The following NRF1 variants were observed in gnomAD, a reference collection of about 807,000 sequenced individuals.
The protein encoded by NRF1 is nuclear respiratory factor 1.
In NRF1, 5 loss-of-function variants were observed where a neutral mutation model predicts 58.5. The observed-to-expected ratio is 0.09, with a 90% CI of 0.04 to 0.18. The LOEUF (loss-of-function observed/expected upper bound fraction) is 0.18. Among genes scored for constraint, NRF1 ranks in the 10% least tolerant of loss-of-function variants. The pLI, the probability that NRF1 is intolerant of heterozygous loss-of-function variation, is 1.00. For missense variants in NRF1, 288 were observed against 657.7 expected, an observed-to-expected ratio of 0.44 and a Z score of 6.15; for synonymous variants, 224 against 246.7, an observed-to-expected ratio of 0.91 and a Z score of 0.86.
At chr7:129,717,788 A>G (rs771952722) in intron 9 of NRF1, among the ~76,000 whole-genome samples, 1 of 152,140 alleles carries the variant, frequency 6.6e-6, no homozygotes, top group Non-Finnish European at 1.5e-5. Flanking sequence ...CGTTTATCCT[A>G]TTCTGTGTCC....
chr7:129,744,270 T>C (rs1233320910), intron 10 of NRF1: 3 of 1,523,744 alleles, frequency 2.0e-6, no homozygotes, highest in Non-Finnish European at 1.8e-6. Context: ...AGCTGGAGGA[T>C]AGAGTCACTG....
rs753641389 is a variant in NRF1, at chr7:129,657,459, T to A, written c.108T>A (p.Ser36Arg). Reference protein sequence around the residue: ...QVHVATYTEHSMLSADEDSPS... With the variant: ...QVHVATYTEHRMLSADEDSPS... ...ATGTGGCTACTTACACCGAGCATAGTATGCTGAGTGCTGATGAAGACTCGC... is the reference window on the plus strand; with the variant it reads ...ATGTGGCTACTTACACCGAGCATAGAATGCTGAGTGCTGATGAAGACTCGC... Residue 36 changes from serine (S) to arginine (R), a missense_variant, in exon 2 of 11, where the codon AGT (serine) becomes AGA (arginine). By Grantham distance (110) the Ser-to-Arg change is moderately radical (BLOSUM62 -1). Transcript: ENST00000393232. 6.2e-7 allele frequency: 1 copy of A among 1,614,096 alleles called. No homozygotes were observed. The highest frequency in any genetic ancestry group is 1.1e-5 in the South Asian group (1 of 91,074).
chr7:129,657,080 G>A (rs1381047139), intron 1 of NRF1, among the ~76,000 whole-genome samples: 1 of 152,122 alleles, frequency 6.6e-6, no homozygotes, highest in African/African-American at 2.4e-5. Context: ...TTATTATTAA[G>A]GGTATCTGTT....
chr7:129,755,165 T>C lies in NRF1; in HGVS notation c.1496T>C (p.Val499Ala). 1 of 1,611,238 alleles carries C rather than the reference T, an allele frequency of 6.2e-7. No homozygotes were observed. Among genetic ancestry groups the C allele is most frequent in the Non-Finnish European group, 8.5e-7 (1 of 1,178,964 alleles). Residue 499 changes from valine to alanine, a missense_variant, in exon 11 of 11, where the codon GTG becomes GCG. Around this residue, in one of 3 missense-constraint regions of NRF1, gnomAD observed 28 missense variants for 32.6 expected, o/e 0.86. Transcript: ENST00000393232. The surrounding 1 kb of genome is among the most constrained non-coding windows in gnomAD (Gnocchi z 5.8). The stretch of plus-strand genomic sequence containing the variant: ...ATGGACGGCCAAGCTGTGGAGGTGG[T>C]GACATTGGAACAGTGACATACAGCC... ...VTMDGQAVEV[V>A]TLEQ
chr7:129,632,756 C>CA (rs1206467673), intron 1 of NRF1, among the ~76,000 whole-genome samples: 20 of 152,158 alleles, frequency 1.3e-4, no homozygotes, highest in Middle Eastern at 6.8e-3. Flanking sequence ...ATAGTTTACT[C>CA]ACTTTAAATG....
At chr7:129,754,464 T>TAAAAAAAAAAAAAAAAAAAAAAAAA (rs57595268) in intron 10 of NRF1, among the ~76,000 whole-genome samples, 6 of 51,206 alleles carry the variant, frequency 1.2e-4, no homozygotes, top group East Asian at 6.9e-4. Context: ...CCCTGTCTCT[T>TAAAAAAAAAAAAAAAAAAAAAAAAA]AAAAAAAAAA....
intron 1 of NRF1, among the ~76,000 whole-genome samples, chr7:129,630,862 G>A (rs76025913): frequency 0.026 from 4,001 of 152,204 alleles, 62 homozygotes; most frequent in Middle Eastern, 0.075. Context: ...AGATTGATCA[G>A]TTCAAATACC....
At chr7:129,696,412 C>A (rs1562973899) in intron 5 of NRF1, among the ~76,000 whole-genome samples, 1 of 152,076 alleles carries the variant, frequency 6.6e-6, no homozygotes, top group East Asian at 1.9e-4. Context: ...TTACTAAGTT[C>A]TTTACAGGGG....
intron 1 of NRF1, among the ~76,000 whole-genome samples, chr7:129,619,182 G>A (rs1377608488): frequency 6.6e-6 from 1 of 151,460 alleles, no homozygotes. Flanking sequence ...AAACAGATAA[G>A]GTTATAGGGT....
intron 4 of NRF1, among the ~76,000 whole-genome samples, chr7:129,679,536 A>G (rs1026895580): frequency 6.6e-5 from 10 of 152,200 alleles, no homozygotes; most frequent in Admixed American, 6.5e-4. Context: ...CCTGGCCAAT[A>G]TGGTGAAACC....
At chr7:129,712,312 T>A (rs1416107271) in intron 8 of NRF1, among the ~76,000 whole-genome samples, 1 of 152,206 alleles carries the variant, frequency 6.6e-6, no homozygotes, top group African/African-American at 2.4e-5. Context: ...TACGTCACCA[T>A]GAGTGTTTCC....
In NRF1 at chr7:129,756,546, A is replaced by G. The variant is rs778869257; in HGVS notation, c.*1365A>G. The stretch of plus-strand genomic sequence containing the variant: ...GGTAACCGTTAACTCTGTCTTTCTC[A>G]GCTGCAAGCCCTGAGTCTCCAGTAG... On this transcript the variant is annotated 3_prime_UTR_variant, in exon 11 of 11. Transcript: ENST00000393232. 1 of 152,646 alleles carries G rather than the reference A, an allele frequency of 6.6e-6. No individual in the cohort carries two copies. Among genetic ancestry groups the G allele is most frequent in the Admixed American group, 6.5e-5 (1 of 15,280 alleles). The allele number at this position is 152,646 out of a possible 1,614,324, so 9.5% of individuals were successfully genotyped here.
At chr7:129,746,588 C>T (rs1301002384) in intron 10 of NRF1, among the ~76,000 whole-genome samples, 3 of 152,262 alleles carry the variant, frequency 2.0e-5, no homozygotes, top group Non-Finnish European at 4.4e-5. Flanking sequence ...TGCCTGTCAC[C>T]CCTAGAAACA....
At position 129,614,305 on chromosome 7, in the gene NRF1, G is replaced by A. The variant is rs567318297; in HGVS notation, c.-7+2481G>A. 4.6e-5 allele frequency among the ~76,000 whole-genome samples: 7 copies of A among 152,036 alleles called. 1 individual carries two copies. In the South Asian group the frequency reaches 1.5e-3, roughly 32 times the overall value. On this transcript the variant is annotated intron_variant, in intron 1 of 10. Coordinates refer to ENST00000393232, the MANE Select transcript of NRF1 (RefSeq NM_005011.5). Reference sequence around the variant, plus strand: ...TAATTTTTGTATTTTTAGTAGAGACGGGGTTTTGGCGTGTTGGCCAGGCTG... The same window carrying A: ...TAATTTTTGTATTTTTAGTAGAGACAGGGTTTTGGCGTGTTGGCCAGGCTG...
At chr7:129,745,486 T>G (rs1803952578) in intron 10 of NRF1, among the ~76,000 whole-genome samples, 1 of 140,006 alleles carries the variant, frequency 7.1e-6, no homozygotes, top group Non-Finnish European at 1.6e-5. Context: ...AATAGTTTCA[T>G]CCCCAAACCA....
chr7:129,711,441 C>T, intron 7 of NRF1, 34 bp from the exon 8 acceptor site: 1 of 1,534,492 alleles, frequency 6.5e-7, no homozygotes, highest in Non-Finnish European at 9.0e-7. Context: ...GATCCATCCA[C>T]TGACACTTAA....
rs1219479540 is a variant in NRF1, at chr7:129,623,782, A to G, written c.-7+11958A>G. On this transcript the variant is annotated intron_variant, in intron 1 of 10. Transcript: ENST00000393232. Reference sequence around the variant, plus strand: ...TATAGTAAAGCCTGTAGAGGTGACGATGACAAAGTCCGACTTGTTTATTCT... The same window carrying G: ...TATAGTAAAGCCTGTAGAGGTGACGGTGACAAAGTCCGACTTGTTTATTCT... Among the ~76,000 whole-genome samples the G allele has an allele frequency of 2.0e-5, 3 of 152,232 alleles. No homozygotes were observed. The East Asian group carries it at 5.8e-4, about 29-fold the overall frequency.
Position 129,638,370 on chromosome 7 carries a change from G to A in NRF1, c.-6-18976G>A, listed in dbSNP as rs141978469. On this transcript the variant is annotated intron_variant, in intron 1 of 10. Transcript: ENST00000393232. ...GCATATTACTGCTGGCGAGAAAGAC[G>A]GTTGACTTGTTTTGACCCAAGTGAG... Among the ~76,000 whole-genome samples, 4 of 152,256 alleles carry A rather than the reference G, an allele frequency of 2.6e-5. No individual in the cohort carries two copies. In the East Asian group the frequency reaches 5.8e-4, roughly 22 times the overall value.
In NRF1 at chr7:129,693,692, A is replaced by G. The variant is rs184550494; in HGVS notation, c.606+3146A>G. Among the ~76,000 whole-genome samples the G allele has an allele frequency of 3.9e-5, 6 of 152,222 alleles. No individual in the cohort carries two copies. In the East Asian group the frequency reaches 7.7e-4, roughly 20 times the overall value. Reference sequence around the variant, plus strand: ...TCTTTACTGTCTTTTTACAGTTTCTATTATTCTGTTTCTAGAGGCATTCTG... The same window carrying G: ...TCTTTACTGTCTTTTTACAGTTTCTGTTATTCTGTTTCTAGAGGCATTCTG... On this transcript the variant is annotated intron_variant, in intron 5 of 10. Transcript: ENST00000393232.
Sources: gnomAD v4.1 joint callset for allele counts (sites outside exome capture counted in the v4.1 genomes callset) on GRCh38, gnomAD v4.1.1 for gene constraint, gnomAD v4.1.1 regional missense constraint, Gnocchi (gnomAD v3.1) non-coding constraint, MANE v1.5 for transcripts, NCBI Gene and HGNC (gene_info 2026-07-23, HGNC 2026-07-21) for gene names.